SLC38A8: variants seen among roughly 807,000 people sequenced by gnomAD.
SLC38A8 encodes amino acid transporter SLC38A8.
A neutral mutation model predicts 46.0 loss-of-function variants in SLC38A8; 65 were observed. The ratio of observed to expected loss-of-function variants is 1.41; its 90% CI spans 1.16 to 1.74. SLC38A8 has a LOEUF of 1.74. SLC38A8 is among the 40% of genes most tolerant of loss of function. SLC38A8 has a pLI of 0.00. For synonymous variants in SLC38A8, 447 were observed against 243.7 expected, an observed-to-expected ratio of 1.83 and a Z score of -7.77; for missense variants, 998 against 567.9, an observed-to-expected ratio of 1.76 and a Z score of -7.70.
intron 7 of SLC38A8, among the ~76,000 whole-genome samples, chr16:84,019,320 T>C (rs1161081079): frequency 6.6e-6 from 1 of 152,152 alleles, no homozygotes. Flanking sequence ...GTAATCCACC[T>C]GCCTCAGCCT....
At chr16:84,029,609 C>A (rs979714923) in intron 5 of SLC38A8, 58 bp from the exon 6 acceptor site, 4 of 1,541,936 alleles carry the variant, frequency 2.6e-6, no homozygotes, top group South Asian at 2.3e-5. Context: ...GAACAACCTG[C>A]GGCTGCAATG....
At chr16:84,040,773 C>A (rs2151130860) in intron 2 of SLC38A8, among the ~76,000 whole-genome samples, 1 of 152,330 alleles carries the variant, frequency 6.6e-6, no homozygotes, top group East Asian at 1.9e-4. Context: ...ATCCCCCGAT[C>A]CCCAGAGACA....
intron 6 of SLC38A8, among the ~76,000 whole-genome samples, chr16:84,023,164 GCTCT>G (rs1555553600): frequency 6.6e-6 from 1 of 151,778 alleles, no homozygotes; most frequent in Non-Finnish European, 1.5e-5. Context: ...TAAAAAACTA[GCTCT>G]CTAGCTCATT....
Position 84,033,440 on chromosome 16 carries a change from G to A in SLC38A8, c.418C>T (p.Pro140Ser). ...LCDSLLSGTP[P>S]APQPWYADQR... is the part of the protein sequence containing the mutation. ...TCTGCGTACCACGGCTGCGGGGCGG[G>A]CGGGGTGCCAGACAGGAGGGAGTCA... Residue 140 changes from proline to serine, a missense_variant, in exon 4 of 11, where the codon CCC becomes TCC. Transcript: ENST00000299709. 6.2e-7 allele frequency: 1 copy of A among 1,610,906 alleles called. No individual in the cohort carries two copies. Among genetic ancestry groups the A allele is most frequent in the Non-Finnish European group, 8.5e-7 (1 of 1,178,700 alleles).
At chr16:84,027,797 G>C (rs1472684971) in intron 6 of SLC38A8, among the ~76,000 whole-genome samples, 2 of 152,198 alleles carry the variant, frequency 1.3e-5, no homozygotes, top group African/African-American at 4.8e-5. Context: ...GCAAAGGTGA[G>C]GGGCACCCCT....
At chr16:84,022,096 A>C (rs2085102475) in intron 7 of SLC38A8, among the ~76,000 whole-genome samples, 1 of 152,220 alleles carries the variant, frequency 6.6e-6, no homozygotes, top group Non-Finnish European at 1.5e-5. Flanking sequence ...CAGGGATTAA[A>C]TTTCAACCTG....
At chr16:84,042,459 C>A (rs1281857448) in intron 1 of SLC38A8, 92 bp downstream of exon 1, 2 of 285,906 alleles carry the variant, frequency 7.0e-6, no homozygotes, top group Admixed American at 4.8e-5. Context: ...CCTTCCTCAT[C>A]CCCATCAATC....
chr16:84,041,719 G>A (rs1050508721), intron 2 of SLC38A8, among the ~76,000 whole-genome samples: 1 of 152,190 alleles, frequency 6.6e-6, no homozygotes, highest in Non-Finnish European at 1.5e-5. Context: ...CACAGACAGA[G>A]CTGCGATGCC....
At chr16:84,029,235 G>C (rs1233698907) in intron 6 of SLC38A8, among the ~76,000 whole-genome samples, 2 of 152,152 alleles carry the variant, frequency 1.3e-5, no homozygotes, top group African/African-American at 4.8e-5. Context: ...AAAAAACATG[G>C]TGCTGCTTTT....
intron 9 of SLC38A8, among the ~76,000 whole-genome samples, chr16:84,013,332 G>A (rs1037436684): frequency 2.0e-5 from 3 of 151,848 alleles, no homozygotes; most frequent in African/African-American, 7.3e-5. Flanking sequence ...CCCCACAGCA[G>A]AGTCTATGAG....
chr16:84,035,833 G>A (rs1216155915), intron 3 of SLC38A8, among the ~76,000 whole-genome samples: 2 of 152,190 alleles, frequency 1.3e-5, no homozygotes, highest in South Asian at 2.1e-4. Flanking sequence ...AATCGCAGCT[G>A]GCGATTTTAA....
intron 10 of SLC38A8, among the ~76,000 whole-genome samples, chr16:84,011,289 C>T (rs2151110578): frequency 6.6e-6 from 1 of 152,262 alleles, no homozygotes; most frequent in Admixed American, 6.5e-5. Context: ...GAGCTCAGAT[C>T]AAGGAACAAA....
At chr16:84,037,705 G>C (rs2085316758) in intron 2 of SLC38A8, among the ~76,000 whole-genome samples, 1 of 150,968 alleles carries the variant, frequency 6.6e-6, no homozygotes, top group Admixed American at 6.6e-5. Context: ...ACGTTGCAGT[G>C]AGCCAAAATT....
intron 7 of SLC38A8, among the ~76,000 whole-genome samples, chr16:84,018,099 G>C (rs976936763): frequency 1.3e-5 from 2 of 152,116 alleles, no homozygotes; most frequent in Admixed American, 6.5e-5. Flanking sequence ...CTACAGTTAT[G>C]AAGGCTGAGA....
intron 2 of SLC38A8, among the ~76,000 whole-genome samples, chr16:84,039,630 C>T (rs963182670): frequency 6.6e-6 from 1 of 151,844 alleles, no homozygotes; most frequent in Non-Finnish European, 1.5e-5. Flanking sequence ...CCTGTAGTCC[C>T]AGCTACTTGG....
At chr16:84,014,251 G>A (rs1020753745) in intron 9 of SLC38A8, among the ~76,000 whole-genome samples, 4 of 151,498 alleles carry the variant, frequency 2.6e-5, no homozygotes, top group Non-Finnish European at 5.9e-5. Context: ...TAAGCCCGAG[G>A]GAGAAGCCAC....
In SLC38A8 at chr16:84,017,187, A is replaced by G. The variant is rs2085040051; in HGVS notation, c.906T>C (p.Phe302=). ...GGTAGACAGTTACGATGGAGACAGC[A>G]AAAAGGACCCGGGCCACAATGATGA... ...DMVIIVARVL[F]AVSIVTVYPI... Residue 302 remains phenylalanine, a synonymous_variant, in exon 8 of 11, where the codon TTT becomes TTC. Transcript: ENST00000299709. The G allele has an allele frequency of 6.2e-7, 1 of 1,614,156 alleles. No individual in the cohort carries two copies. The highest frequency in any genetic ancestry group is 1.3e-5 in the African/African-American group (1 of 75,028).
At position 84,009,835 on chromosome 16, in the gene SLC38A8, G is replaced by A. The variant is rs776007333; in HGVS notation, c.1257C>T (p.Gly419=). ...CCGTGCTCTGCCCAAAGATGAAGGT[G>A]CCGACCAGCACAGAGACCACTCCCC... is the stretch of plus-strand genomic sequence containing the variant. The part of the protein sequence containing the change: ...EVWGVVSVLV[G]TFIFGQSTAA... Residue 419 remains glycine, a synonymous_variant, in exon 11 of 11, where the codon GGC becomes GGT. Coordinates refer to ENST00000299709, the MANE Select transcript of SLC38A8 (RefSeq NM_001080442.3). 2.5e-6 allele frequency: 4 copies of A among 1,614,044 alleles called. No homozygotes were observed. Among genetic ancestry groups the A allele is most frequent in the Non-Finnish European group, 2.5e-6 (3 of 1,179,990 alleles).
Position 84,017,265 on chromosome 16 carries a change from A to G in SLC38A8, c.828T>C (p.Phe276=), listed in dbSNP as rs144154858. 3 of 1,614,016 alleles carry G rather than the reference A, an allele frequency of 1.9e-6. No homozygotes were observed. The highest frequency in any genetic ancestry group is 1.3e-5 in the African/African-American group (1 of 74,922). ...AGACGTCAGCAGAAACTTCTGTCCC[A>G]AAAGTCAGGAAGCCATAAACCCCTG... is the stretch of plus-strand genomic sequence containing the variant. ...SLTGVYGFLT[F]GTEVSADVLM... The change falls in exon 8 of 11, where the codon TTT becomes TTC. Residue 276 remains phenylalanine, a synonymous_variant. Coordinates refer to ENST00000299709, the MANE Select transcript of SLC38A8 (RefSeq NM_001080442.3).
Sources: allele counts gnomAD v4.1 joint callset (sites outside exome capture counted in the v4.1 genomes callset), GRCh38; gene constraint gnomAD v4.1.1; transcripts MANE v1.5; gene names NCBI Gene and HGNC (gene_info 2026-07-23, HGNC 2026-07-21).